RAP1GDS1: variants seen among roughly 807,000 people sequenced by gnomAD.
The protein encoded by RAP1GDS1 is Rap1 GTPase-GDP dissociation stimulator 1.
Under a neutral mutation model 71.1 loss-of-function variants are expected in RAP1GDS1, and 35 were observed. That is an observed-to-expected ratio of 0.49 (90% CI 0.38 to 0.65). The LOEUF is 0.65. Ranked by LOEUF, RAP1GDS1 falls within the 30% of genes least tolerant of loss-of-function variation. The pLI is 0.00. For missense variants in RAP1GDS1, 663 were observed against 706.1 expected (o/e 0.94, Z 0.69); for synonymous variants, 229 against 243.1 (o/e 0.94, Z 0.54).
intron 10 of RAP1GDS1, among the ~76,000 whole-genome samples, 190 bp from the exon 11 acceptor site, chr4:98,419,828 CA>C (rs1748554931): frequency 6.6e-6 from 1 of 152,096 alleles, no homozygotes. Context: ...CGCTTATACA[CA>C]AATAGGATAC....
chr4:98,395,669 C>T (rs1403415886), intron 6 of RAP1GDS1, among the ~76,000 whole-genome samples: 1 of 152,138 alleles, frequency 6.6e-6, no homozygotes, highest in Non-Finnish European at 1.5e-5. Flanking sequence ...TTAACCAACC[C>T]TTTTTAAACA....
chr4:98,261,924 C>T (rs892131184), intron 1 of RAP1GDS1, among the ~76,000 whole-genome samples: 3 of 152,240 alleles, frequency 2.0e-5, no homozygotes, highest in African/African-American at 7.2e-5. Flanking sequence ...CTCCAGAGGC[C>T]GCCCGCTTCC....
chr4:98,313,759 A>T (rs1177023129), intron 2 of RAP1GDS1, among the ~76,000 whole-genome samples: 1 of 152,052 alleles, frequency 6.6e-6, no homozygotes, highest in African/African-American at 2.4e-5. Context: ...AGGTGAGAGG[A>T]TCACTTCGGC....
chr4:98,417,599 G>C (rs769761938), intron 9 of RAP1GDS1, 101 bp downstream of exon 9: 1 of 1,168,366 alleles, frequency 8.6e-7, no homozygotes, highest in Non-Finnish European at 1.2e-6. Context: ...TAGAAGTTGT[G>C]TAATATGTGT....
chr4:98,296,525 A>G (rs1033787119), intron 2 of RAP1GDS1, among the ~76,000 whole-genome samples: 3 of 152,162 alleles, frequency 2.0e-5, no homozygotes, highest in Admixed American at 1.3e-4. Context: ...GTGTAAATCT[A>G]TGATCTAAAT....
intron 4 of RAP1GDS1, among the ~76,000 whole-genome samples, chr4:98,360,308 T>A (rs575839555): frequency 1.3e-5 from 2 of 152,248 alleles, no homozygotes; most frequent in Non-Finnish European, 2.9e-5. Context: ...TATTAGATGA[T>A]TTTTCTTGGG....
At chr4:98,360,425 T>A (rs2110440074) in intron 4 of RAP1GDS1, among the ~76,000 whole-genome samples, 1 of 149,426 alleles carries the variant, frequency 6.7e-6, no homozygotes, top group South Asian at 2.2e-4. Flanking sequence ...TTAAGAGGAC[T>A]TAGGTAGGGT....
At chr4:98,280,254 A>G (rs1724865340) in intron 1 of RAP1GDS1, among the ~76,000 whole-genome samples, 1 of 152,198 alleles carries the variant, frequency 6.6e-6, no homozygotes. Context: ...ATTTCTCCAC[A>G]TCCTCTCCAG....
At chr4:98,341,503 C>T (rs564454328) in intron 2 of RAP1GDS1, among the ~76,000 whole-genome samples, 1 of 152,340 alleles carries the variant, frequency 6.6e-6, no homozygotes, top group African/African-American at 2.4e-5. Flanking sequence ...CTCGCCTCCA[C>T]ACATAACAAA....
At chr4:98,321,624 TAAAGA>T (rs1323463185) in intron 2 of RAP1GDS1, among the ~76,000 whole-genome samples, 2 of 150,896 alleles carry the variant, frequency 1.3e-5, no homozygotes, top group African/African-American at 4.9e-5. Context: ...TCAACATTCT[TAAAGA>T]AAAGAATTTT....
intron 2 of RAP1GDS1, among the ~76,000 whole-genome samples, chr4:98,336,084 A>G (rs2110380625): frequency 6.6e-6 from 1 of 152,218 alleles, no homozygotes; most frequent in South Asian, 2.1e-4. Flanking sequence ...AATAGAATGG[A>G]GATAGATCTT....
chr4:98,410,552 T>TA (rs1430532194), intron 7 of RAP1GDS1, among the ~76,000 whole-genome samples: 1 of 152,142 alleles, frequency 6.6e-6, no homozygotes, highest in Admixed American at 6.5e-5. Flanking sequence ...CAGGAACTGT[T>TA]ACAGGAATGT....
At chr4:98,412,057 T>C (rs1001123691) in intron 7 of RAP1GDS1, among the ~76,000 whole-genome samples, 1 of 152,314 alleles carries the variant, frequency 6.6e-6, no homozygotes, top group Middle Eastern at 3.4e-3. Flanking sequence ...AGCCAAATTT[T>C]AACACATTAA....
intron 4 of RAP1GDS1, among the ~76,000 whole-genome samples, chr4:98,369,407 T>C (rs746646348): frequency 7.2e-5 from 11 of 152,232 alleles, no homozygotes; most frequent in Non-Finnish European, 1.3e-4. Flanking sequence ...CAAAGACTTA[T>C]GCGTGAATGT....
chr4:98,408,141 C>T (rs1178967738), intron 7 of RAP1GDS1, among the ~76,000 whole-genome samples: 1 of 151,478 alleles, frequency 6.6e-6, no homozygotes. Context: ...TGGAGTCTCA[C>T]TCTGTCACCC....
At chr4:98,262,362 T>C (rs1284885903) in intron 1 of RAP1GDS1, among the ~76,000 whole-genome samples, 1 of 152,236 alleles carries the variant, frequency 6.6e-6, no homozygotes, top group East Asian at 1.9e-4. Context: ...ATCTGCATAA[T>C]CTGATTTTAG....
chr4:98,365,525 A>T (rs1425704551), intron 4 of RAP1GDS1, among the ~76,000 whole-genome samples: 1 of 151,980 alleles, frequency 6.6e-6, no homozygotes, highest in African/African-American at 2.4e-5. Flanking sequence ...TGGGAGGCTG[A>T]TGTGGGAGGA....
intron 4 of RAP1GDS1, 49 bp downstream of exon 4, chr4:98,352,650 T>A: frequency 6.3e-7 from 1 of 1,591,960 alleles, no homozygotes; most frequent in South Asian, 1.1e-5. Flanking sequence ...AGAATTATGA[T>A]ATTCAGACTA....
intron 6 of RAP1GDS1, among the ~76,000 whole-genome samples, chr4:98,400,528 TAA>T (rs774732053): frequency 2.2e-4 from 16 of 74,310 alleles, no homozygotes; most frequent in Admixed American, 5.9e-4. Flanking sequence ...TTTATAGAAG[TAA>T]AAAAAAAAAA....
Sources: gnomAD v4.1 joint callset for allele counts (sites outside exome capture counted in the v4.1 genomes callset) on GRCh38, gnomAD v4.1.1 for gene constraint, MANE v1.5 for transcripts, NCBI Gene and HGNC (gene_info 2026-07-23, HGNC 2026-07-21) for gene names.